Variants in NSUN4 observed in about 807,000 individuals in gnomAD.
NSUN4 encodes NOP2/Sun RNA methyltransferase 4, also known as 5-cytosine rRNA methyltransferase NSUN4.
A neutral mutation model predicts 43.8 loss-of-function variants in NSUN4; 31 were observed. The ratio of observed to expected loss-of-function variants is 0.71; its 90% CI spans 0.53 to 0.96. The LOEUF is 0.96. Ranked by LOEUF, NSUN4 falls within the 40% of genes least tolerant of loss-of-function variation. The pLI is 0.00. For synonymous variants in NSUN4, 167 were observed against 184.1 expected (o/e 0.91, Z 0.75); for missense variants, 439 against 475.6 (o/e 0.92, Z 0.72).
chr1:46,384,313 T>C, the NSUN4 span, among the ~76,000 whole-genome samples: 1 of 152,206 alleles, frequency 6.6e-6, no homozygotes, highest in South Asian at 2.1e-4. Context: ...TTAACATGTC[T>C]TGGCTTAGTT....
intron 3 of NSUN4, among the ~76,000 whole-genome samples, chr1:46,351,898 T>TTGTGATCC (rs1391402445): frequency 1.3e-5 from 2 of 151,444 alleles, no homozygotes; most frequent in Non-Finnish European, 2.9e-5. Context: ...TCTCCTGACC[T>TTGTGATCC]TGTGATCCGC....
rs563214814 is a variant in NSUN4 at position 46,361,611 on chromosome 1, A to G, written c.920A>G (p.Tyr307Cys). 14 of 1,614,192 alleles carry G rather than the reference A, an allele frequency of 8.7e-6. No individual in the cohort carries two copies. In the Admixed American group the frequency reaches 1.2e-4, roughly 13 times the overall value. Residue 307 changes from tyrosine to cysteine, a missense_variant, in exon 6 of 6, where the codon TAT becomes TGT. Transcript: ENST00000474844. ...LATKPGGHVV[Y>C]STCSLSHLQN... ...ACCAAACCAGGAGGCCATGTTGTCT[A>G]TTCTACCTGCTCACTCTCACACTTA...
the NSUN4 span, among the ~76,000 whole-genome samples, chr1:46,375,435 C>CAAA: frequency 3.1e-4 from 37 of 119,730 alleles, no homozygotes; most frequent in South Asian, 2.4e-3. Flanking sequence ...AACTCGTTCT[C>CAAA]AAAAAAAAAA....
chr1:46,349,505 G>GT (rs890395894), intron 3 of NSUN4, among the ~76,000 whole-genome samples: 5 of 152,152 alleles, frequency 3.3e-5, no homozygotes, highest in Non-Finnish European at 7.4e-5. Flanking sequence ...AAAATAGATA[G>GT]TTTTTTTCCT....
At chr1:46,357,995 A>G in intron 4 of NSUN4, among the ~76,000 whole-genome samples, 1 of 151,704 alleles carries the variant, frequency 6.6e-6, no homozygotes, top group Non-Finnish European at 1.5e-5. Flanking sequence ...GCTCACTGCA[A>G]CCTCCACCTT....
At chr1:46,376,096 T>TAAAAAA in the NSUN4 span, among the ~76,000 whole-genome samples, 2 of 40,886 alleles carry the variant, frequency 4.9e-5, no homozygotes, top group East Asian at 9.5e-4. Context: ...AGAGCGAAAC[T>TAAAAAA]AAAAAAAAAA....
chr1:46,362,132 G>A lies in NSUN4; in HGVS notation c.*286G>A. On this transcript the variant is annotated 3_prime_UTR_variant, in exon 6 of 6. Transcript: ENST00000474844. ...CTTAGAAGGAGAAGCCAGTGAGCAG[G>A]CTCACACTAAGTTGTAAACATAGGA... The A allele has an allele frequency of 2.2e-6, 1 of 455,940 alleles. No individual in the cohort carries two copies. Among genetic ancestry groups the A allele is most frequent in the Non-Finnish European group, 4.0e-6 (1 of 251,888 alleles). The allele number at this position is 455,940 out of a possible 1,614,324, so 28.2% of individuals were successfully genotyped here. A position where few individuals can be genotyped will look rare whatever the true frequency, so the allele number is the denominator to read the frequency against.
chr1:46,376,496 T>G, the NSUN4 span, among the ~76,000 whole-genome samples: 1 of 152,280 alleles, frequency 6.6e-6, no homozygotes, highest in South Asian at 2.1e-4. Flanking sequence ...ACAAATTACT[T>G]GAAAATTTTC....
chr1:46,383,403 G>T, the NSUN4 span, among the ~76,000 whole-genome samples: 12 of 151,334 alleles, frequency 7.9e-5, no homozygotes, highest in African/African-American at 2.9e-4. Context: ...GGTTAAAGAG[G>T]TCTGTGAACC....
intron 4 of NSUN4, among the ~76,000 whole-genome samples, chr1:46,360,249 A>AAAAAAAAAAAAAAATATATAT (rs1553177947): frequency 3.9e-5 from 1 of 25,736 alleles, no homozygotes; most frequent in Non-Finnish European, 7.2e-5. Flanking sequence ...AAAAAAAAAA[A>AAAAAAAAAAAAAAATATATAT]ATATATATAT....
downstream of NSUN4, among the ~76,000 whole-genome samples, chr1:46,366,729 A>AG (rs1664145945): frequency 7.2e-6 from 1 of 137,984 alleles, no homozygotes; most frequent in Non-Finnish European, 1.7e-5. Context: ...AAAAAAAAAA[A>AG]GTGGGTAGAG....
chr1:46,383,459 T>TG, the NSUN4 span, among the ~76,000 whole-genome samples: 1 of 148,000 alleles, frequency 6.8e-6, no homozygotes, highest in African/African-American at 2.5e-5. Context: ...TTTTTTTTTT[T>TG]TTTTTTTTTT....
chr1:46,379,957 C>T, the NSUN4 span, among the ~76,000 whole-genome samples: 1 of 152,180 alleles, frequency 6.6e-6, no homozygotes, highest in Non-Finnish European at 1.5e-5. Context: ...CCTTGGTGAT[C>T]AGGTTTCAGC....
intron 3 of NSUN4, among the ~76,000 whole-genome samples, chr1:46,350,348 C>T (rs551666482): frequency 5.3e-5 from 8 of 152,196 alleles, no homozygotes; most frequent in African/African-American, 1.9e-4. Context: ...GCCTGGGCAA[C>T]ATAGACCTCA....
chr1:46,372,941 G>A, the NSUN4 span, among the ~76,000 whole-genome samples: 3 of 152,012 alleles, frequency 2.0e-5, no homozygotes, highest in Non-Finnish European at 4.4e-5. Flanking sequence ...GGTTGGTCTC[G>A]AACTCCTGAC....
downstream of NSUN4, among the ~76,000 whole-genome samples, chr1:46,369,724 C>A (rs1381127623): frequency 6.6e-6 from 1 of 152,006 alleles, no homozygotes; most frequent in Non-Finnish European, 1.5e-5. Flanking sequence ...GGTCCAGTAT[C>A]CTGCAGTGTA....
Position 46,361,584 on chromosome 1 carries a change from C to T in NSUN4, c.893C>T (p.Ala298Val), listed in dbSNP as rs1378221069. 3.1e-6 allele frequency: 5 copies of T among 1,613,832 alleles called. No homozygotes were observed. Among genetic ancestry groups the T allele is most frequent in the Non-Finnish European group, 4.2e-6 (5 of 1,179,784 alleles). The change falls in exon 6 of 6, where the codon GCC (alanine) becomes GTC (valine). Residue 298 changes from alanine (A) to valine (V), a missense_variant. Transcript: ENST00000474844. ...TCTGGTTTCAGGGCTGGACTCCTTGCCACCAAACCAGGAGGCCATGTTGTC... is the reference window on the plus strand; with the variant it reads ...TCTGGTTTCAGGGCTGGACTCCTTGTCACCAAACCAGGAGGCCATGTTGTC... ...QVQLLAAGLL[A>V]TKPGGHVVYS...
At chr1:46,346,269 G>T (rs1662486693) in intron 2 of NSUN4, among the ~76,000 whole-genome samples, 1 of 151,886 alleles carries the variant, frequency 6.6e-6, no homozygotes, top group South Asian at 2.1e-4. Flanking sequence ...ACAATAATTG[G>T]CCAGGCACAG....
chr1:46,376,712 ATGTGTG>A, the NSUN4 span, among the ~76,000 whole-genome samples: 32,054 of 148,060 alleles, frequency 0.22, 4,016 homozygotes, highest in Non-Finnish European at 0.3. Context: ...TTTAGAGAGC[ATGTGTG>A]TGTGTGTGTG....
Sources: allele counts gnomAD v4.1 joint callset (sites outside exome capture counted in the v4.1 genomes callset), GRCh38; gene constraint gnomAD v4.1.1; transcripts MANE v1.5; gene names NCBI Gene and HGNC (gene_info 2026-07-23, HGNC 2026-07-21).